The following MAGED1 variants were observed in gnomAD, a reference collection of about 807,000 sequenced individuals.
MAGED1 encodes melanoma-associated antigen D1.
A neutral mutation model predicts 54.1 loss-of-function variants in MAGED1; 3 were observed. That is an observed-to-expected ratio of 0.06 (90% CI 0.03 to 0.14). MAGED1 has a LOEUF of 0.14. Among genes scored for constraint, MAGED1 ranks in the 10% least tolerant of loss-of-function variants. The pLI is 1.00. For missense variants in MAGED1, 485 were observed against 623.4 expected, an observed-to-expected ratio of 0.78 and a Z score of 2.36; for synonymous variants, 217 against 227.3, an observed-to-expected ratio of 0.95 and a Z score of 0.41.
At chrX:51,860,608 T>G (rs1227211585) in intron 1 of MAGED1, among the ~76,000 whole-genome samples, 1 of 111,247 alleles carries the variant, frequency 9.0e-6, no homozygotes, top group Non-Finnish European at 1.9e-5. Flanking sequence ...CAGTAGGTAG[T>G]CCGGAATTCA....
chrX:51,848,904 CT>C (rs1319303208), intron 1 of MAGED1, among the ~76,000 whole-genome samples: 2 of 102,407 alleles, frequency 2.0e-5, no homozygotes, highest in African/African-American at 3.5e-5. Flanking sequence ...TTTTTTTTCT[CT>C]TTTTTTTTCT....
rs1278690352 is a variant in MAGED1, at chrX:51,865,060, A to T, written c.-36-29209A>T. 3.6e-5 allele frequency among the ~76,000 whole-genome samples: 4 copies of T among 112,639 alleles called. No individual in the cohort carries two copies. The East Asian group carries it at 1.1e-3, about 32-fold the overall frequency. Reference sequence around the variant, plus strand: ...TAGAGGAAAAGCTTACAACTTTTCAACATTGAGTATGTTGTTAGCCATGGG... The same window carrying T: ...TAGAGGAAAAGCTTACAACTTTTCATCATTGAGTATGTTGTTAGCCATGGG... On this transcript the variant is annotated intron_variant, in intron 1 of 12. Transcript: ENST00000375772.
At chrX:51,881,047 T>C (rs1928033779) in intron 1 of MAGED1, among the ~76,000 whole-genome samples, 1 of 111,446 alleles carries the variant, frequency 9.0e-6, no homozygotes, top group Non-Finnish European at 1.9e-5. Flanking sequence ...TTCTGGAGGC[T>C]GGGAAGTCCA....
At chrX:51,876,263 T>C (rs949397995) in intron 1 of MAGED1, among the ~76,000 whole-genome samples, 1 of 109,703 alleles carries the variant, frequency 9.1e-6, no homozygotes, top group Non-Finnish European at 1.9e-5. Flanking sequence ...CACATTCAGT[T>C]GACTTTGTGG....
intron 1 of MAGED1, among the ~76,000 whole-genome samples, chrX:51,886,654 A>C (rs1409818956): frequency 2.7e-5 from 3 of 110,541 alleles, no homozygotes; most frequent in African/African-American, 9.9e-5. Context: ...AAAAAGAAAA[A>C]ATCTCCTAGA....
Position 51,866,939 on chromosome X carries a change from G to T in MAGED1, c.-36-27330G>T, listed in dbSNP as rs1445827830. ...AAAACATGGATAACACCAGTAAAGAGAATTTATATGATTTCATTGATCCAT... is the reference window on the plus strand; with the variant it reads ...AAAACATGGATAACACCAGTAAAGATAATTTATATGATTTCATTGATCCAT... On this transcript the variant is annotated intron_variant, in intron 1 of 12. Transcript: ENST00000375772. Among the ~76,000 whole-genome samples the T allele has an allele frequency of 2.7e-5, 3 of 111,856 alleles. No individual in the cohort carries two copies. The East Asian group carries it at 8.4e-4, about 31-fold the overall frequency.
At chrX:51,844,227 T>G (rs1356942638) in intron 1 of MAGED1, among the ~76,000 whole-genome samples, 1 of 111,963 alleles carries the variant, frequency 8.9e-6, no homozygotes, top group Non-Finnish European at 1.9e-5. Flanking sequence ...GTTCACATTC[T>G]AATCCCCAGA....
In MAGED1 at chrX:51,902,114, AT is replaced by A. The variant is rs201592334; in HGVS notation, c.*9-25del. The stretch of plus-strand genomic sequence containing the variant: ...CCTTATTATTTGATATATATCATTG[AT>A]TTTTTTACTTCTTCTTTCTTATGTT... On this transcript the variant is annotated intron_variant, in intron 12 of 12. Coordinates refer to ENST00000326587, the MANE Select transcript of MAGED1 (RefSeq NM_006986.4). 3.6e-3 allele frequency: 1,426 copies of A among 392,710 alleles called. 20 individuals carry two copies. The East Asian group carries it at 0.046, about 13-fold the overall frequency. The allele number at this position is 392,710 out of a possible 1,213,427, so 32.4% of individuals were successfully genotyped here.
intron 1 of MAGED1, among the ~76,000 whole-genome samples, chrX:51,880,246 T>C (rs1928010482): frequency 8.9e-6 from 1 of 112,167 alleles, no homozygotes; most frequent in South Asian, 3.8e-4. Flanking sequence ...AAAGCAGCTT[T>C]ACAGTAAAGA....
chrX:51,811,174 T>G (rs782608872), intron 1 of MAGED1, among the ~76,000 whole-genome samples: 10 of 111,835 alleles, frequency 8.9e-5, no homozygotes, highest in African/African-American at 3.2e-4. Flanking sequence ...AGAATCTGAA[T>G]TTTCAAGATA....
At chrX:51,835,555 T>C (rs1222808886) in intron 1 of MAGED1, among the ~76,000 whole-genome samples, 2 of 111,611 alleles carry the variant, frequency 1.8e-5, no homozygotes, top group East Asian at 5.6e-4. Context: ...TGTCTTTTTG[T>C]TTTTCCTGGA....
At chrX:51,859,962 T>C (rs1557360497) in intron 1 of MAGED1, among the ~76,000 whole-genome samples, 1 of 102,533 alleles carries the variant, frequency 9.8e-6, no homozygotes, top group African/African-American at 3.4e-5. Flanking sequence ...AGAAAGATCC[T>C]GTGGGTAGGA....
intron 3 of MAGED1, 37 bp downstream of exon 3, chrX:51,895,797 G>A (rs1173785561): frequency 9.6e-7 from 1 of 1,043,064 alleles, no homozygotes; most frequent in African/African-American, 1.9e-5. Flanking sequence ...CTTTGGGGCT[G>A]TCTCCTTTCT....
intron 1 of MAGED1, among the ~76,000 whole-genome samples, chrX:51,859,152 A>T (rs1420663029): frequency 2.7e-5 from 3 of 109,797 alleles, no homozygotes; most frequent in Non-Finnish European, 5.7e-5. Context: ...TTAGGTCAGG[A>T]TATAATACTG....
intron 1 of MAGED1, among the ~76,000 whole-genome samples, chrX:51,839,988 A>G (rs188144868): frequency 7.4e-4 from 83 of 112,243 alleles, no homozygotes; most frequent in South Asian, 3.7e-3. Context: ...ACTATTTTCA[A>G]TAACGCTAAT....
chrX:51,856,033 A>G (rs1463657137), intron 1 of MAGED1, among the ~76,000 whole-genome samples: 1 of 112,299 alleles, frequency 8.9e-6, no homozygotes, highest in Non-Finnish European at 1.9e-5. Context: ...TTCAGCCCAT[A>G]ACACCTGCTT....
At chrX:51,838,925 T>A (rs1308296436) in intron 1 of MAGED1, among the ~76,000 whole-genome samples, 1 of 111,190 alleles carries the variant, frequency 9.0e-6, no homozygotes. Context: ...GTTTAGCATG[T>A]TTCAGCAAAA....
intron 1 of MAGED1, among the ~76,000 whole-genome samples, chrX:51,837,088 A>G (rs1557357998): frequency 8.9e-6 from 1 of 111,822 alleles, no homozygotes; most frequent in Non-Finnish European, 1.9e-5. Context: ...CTCTCAGGGA[A>G]GTACGCTGGG....
intron 2 of MAGED1, 119 bp downstream of exon 2, chrX:51,894,468 G>A (rs1312093705): frequency 4.7e-6 from 4 of 848,130 alleles, no homozygotes; most frequent in Admixed American, 5.5e-5. Flanking sequence ...ACTAGACTCC[G>A]TGGGCTTTTC....
Sources: allele counts gnomAD v4.1 joint callset (sites outside exome capture counted in the v4.1 genomes callset), GRCh38; gene constraint gnomAD v4.1.1; transcripts MANE v1.5; gene names NCBI Gene and HGNC (gene_info 2026-07-23, HGNC 2026-07-21).